Variants in CTNND2 observed in about 807,000 individuals in gnomAD.
CTNND2 encodes the protein catenin delta-2.
A neutral mutation model predicts 144.4 loss-of-function variants in CTNND2; 22 were observed. The observed-to-expected ratio is 0.15, with a 90% CI of 0.11 to 0.22. CTNND2 has a LOEUF of 0.22. CTNND2 is among the 10% of genes least tolerant of loss of function. The pLI is 1.00. For synonymous variants in CTNND2, 751 were observed against 695.6 expected (o/e 1.08, Z -1.25); for missense variants, 1,353 against 1,618.8 (o/e 0.84, Z 2.82).
In CTNND2 at chr5:11,581,278, C is replaced by T. The variant is rs141631733; in HGVS notation, c.175-16222G>A. On this transcript the variant is annotated intron_variant, in intron 2 of 21. Coordinates refer to ENST00000304623, the MANE Select transcript of CTNND2 (RefSeq NM_001332.4). Reference sequence around the variant, plus strand: ...TATTTTTTTATCTTATATTTTTCAGCGTTTTATGTTCTTCTTGGAACAGAA... The same window carrying T: ...TATTTTTTTATCTTATATTTTTCAGTGTTTTATGTTCTTCTTGGAACAGAA... 1.8e-3 allele frequency among the ~76,000 whole-genome samples: 279 copies of T among 151,822 alleles called. 1 individual carries two copies. Among genetic ancestry groups the T allele is most frequent in the Non-Finnish European group, 3.5e-3 (239 of 67,976 alleles).
At chr5:11,816,312 G>C (rs750382475) in intron 1 of CTNND2, among the ~76,000 whole-genome samples, 3 of 152,070 alleles carry the variant, frequency 2.0e-5, no homozygotes. Flanking sequence ...ACTTTTCAGA[G>C]AGATCCTGTC....
Position 11,199,616 on chromosome 5 carries a change from G to A in CTNND2, c.1807C>T (p.His603Tyr). The change falls in exon 11 of 22, where the codon CAT (histidine) becomes TAT (tyrosine). Residue 603 changes from histidine to tyrosine, a missense_variant. Transcript: ENST00000304623. ...GIQLLVDLLD[H>Y]RMTEVHRSAC... ...CTACGGTGGACTTCGGTCATCCGAT[G>A]ATCCAACAGGTCCACCAGGAGCTGG... 2 of 1,614,170 alleles carry A rather than the reference G, an allele frequency of 1.2e-6. No homozygotes were observed. Among genetic ancestry groups the A allele is most frequent in the Non-Finnish European group, 1.7e-6 (2 of 1,180,036 alleles).
At chr5:11,583,563 C>G (rs1778601085) in intron 2 of CTNND2, among the ~76,000 whole-genome samples, 1 of 152,126 alleles carries the variant, frequency 6.6e-6, no homozygotes, top group African/African-American at 2.4e-5. Flanking sequence ...ATTTTCACAT[C>G]AATCATACTG....
intron 16 of CTNND2, among the ~76,000 whole-genome samples, chr5:11,030,053 G>A (rs1002218837): frequency 6.6e-6 from 1 of 151,142 alleles, no homozygotes; most frequent in African/African-American, 2.4e-5. Flanking sequence ...TTTTCTTTCG[G>A]CACCATGACT....
chr5:11,039,604 T>C (rs896825920), intron 16 of CTNND2, among the ~76,000 whole-genome samples: 5 of 152,160 alleles, frequency 3.3e-5, no homozygotes, highest in African/African-American at 9.7e-5. Context: ...GTTGTTTTAA[T>C]TGATTAGAGA....
chr5:11,290,812 T>C (rs1025082462), intron 9 of CTNND2, among the ~76,000 whole-genome samples: 1 of 152,176 alleles, frequency 6.6e-6, no homozygotes, highest in Non-Finnish European at 1.5e-5. Flanking sequence ...AAAACTCTGA[T>C]GGTTTTAACA....
chr5:11,768,463 G>T (rs146967089), intron 1 of CTNND2, among the ~76,000 whole-genome samples: 7 of 152,202 alleles, frequency 4.6e-5, no homozygotes, highest in African/African-American at 1.4e-4. Context: ...CTAATTTTTT[G>T]TATTTTCAGT....
rs908729921 is a variant in CTNND2, at chr5:11,344,694, C to T, written c.1628+1678G>A. ...CAATATTCTCTTATTCATTCTAACC[C>T]TTCTTATTGGTGTTTTTCTTTTTTG... On this transcript the variant is annotated intron_variant, in intron 9 of 21. Transcript: ENST00000304623. Among the ~76,000 whole-genome samples the T allele has an allele frequency of 3.9e-5, 6 of 151,970 alleles. No individual in the cohort carries two copies. The South Asian group carries it at 8.3e-4, about 21-fold the overall frequency.
At chr5:11,337,185 A>G (rs531194864) in intron 9 of CTNND2, among the ~76,000 whole-genome samples, 2 of 152,324 alleles carry the variant, frequency 1.3e-5, no homozygotes, top group East Asian at 1.9e-4. Context: ...TGGGAAGCAC[A>G]CGGATTTTAA....
intron 1 of CTNND2, among the ~76,000 whole-genome samples, chr5:11,855,755 T>C (rs7379525): frequency 0.69 from 105,398 of 151,978 alleles, 36,644 homozygotes; most frequent in South Asian, 0.78. Flanking sequence ...ACCTCTCAGA[T>C]ATGTGCATTC....
At chr5:11,774,540 T>TA (rs1790131584) in intron 1 of CTNND2, among the ~76,000 whole-genome samples, 3 of 73,924 alleles carry the variant, frequency 4.1e-5, no homozygotes. Flanking sequence ...CCCTAAAACT[T>TA]AAAGTATAAT....
intron 1 of CTNND2, among the ~76,000 whole-genome samples, chr5:11,755,526 C>G (rs1788879635): frequency 6.6e-6 from 1 of 151,580 alleles, no homozygotes; most frequent in African/African-American, 2.4e-5. Flanking sequence ...AAGATATCCT[C>G]AAATATGTTT....
intron 1 of CTNND2, among the ~76,000 whole-genome samples, chr5:11,857,345 C>T (rs79624365): frequency 3.3e-5 from 5 of 152,128 alleles, no homozygotes; most frequent in African/African-American, 9.6e-5. Context: ...ACAAAGGCAC[C>T]GAGGCAGGAA....
intron 1 of CTNND2, among the ~76,000 whole-genome samples, chr5:11,744,506 C>T (rs550176162): frequency 1.3e-4 from 20 of 152,038 alleles, no homozygotes; most frequent in Non-Finnish European, 2.2e-4. Context: ...AGGGTTAGAG[C>T]AGAGAGGAAA....
intron 3 of CTNND2, among the ~76,000 whole-genome samples, chr5:11,527,788 T>A (rs1215276537): frequency 1.3e-5 from 2 of 152,106 alleles, no homozygotes; most frequent in Non-Finnish European, 2.9e-5. Flanking sequence ...ATGCTTTATG[T>A]TTCCCTGGGC....
chr5:11,355,625 ACAAGGATG>A (rs1755785649), intron 8 of CTNND2, among the ~76,000 whole-genome samples: 1 of 152,184 alleles, frequency 6.6e-6, no homozygotes, highest in Non-Finnish European at 1.5e-5. Context: ...CAGGAACAAG[ACAAGGATG>A]CCCACTTTCA....
At chr5:11,556,728 T>C (rs565119060) in intron 3 of CTNND2, among the ~76,000 whole-genome samples, 52 of 144,372 alleles carry the variant, frequency 3.6e-4, no homozygotes, top group African/African-American at 1.3e-3. Flanking sequence ...ATATCCAAAG[T>C]ATGGCAGACT....
chr5:11,239,186 A>G (rs961897206), intron 9 of CTNND2, among the ~76,000 whole-genome samples: 8 of 152,276 alleles, frequency 5.3e-5, no homozygotes, highest in Non-Finnish European at 1.0e-4. Flanking sequence ...CTATTAGGTG[A>G]TGGCTTACAC....
chr5:11,331,374 G>T (rs1350222139), intron 9 of CTNND2, among the ~76,000 whole-genome samples: 1 of 152,158 alleles, frequency 6.6e-6, no homozygotes. Context: ...TCAGGAAACA[G>T]AACTTTGGTT....
Sources: gnomAD v4.1 joint callset for allele counts (sites outside exome capture counted in the v4.1 genomes callset) on GRCh38, gnomAD v4.1.1 for gene constraint, MANE v1.5 for transcripts, NCBI Gene and HGNC (gene_info 2026-07-23, HGNC 2026-07-21) for gene names.